Variants in HDAC9 observed in about 807,000 individuals in gnomAD.
The protein encoded by HDAC9 is histone deacetylase 9.
In HDAC9, 41 loss-of-function variants were observed where a neutral mutation model predicts 139.4. That is an observed-to-expected ratio of 0.29 (90% CI 0.23 to 0.38). HDAC9 has a LOEUF of 0.38. HDAC9 is among the 10% of genes least tolerant of loss of function. HDAC9 has a pLI of 1.00. For synonymous variants in HDAC9, 517 were observed against 476.2 expected (o/e 1.09, Z -1.12); for missense variants, 1,147 against 1,297.0 (o/e 0.88, Z 1.78).
At chr7:18,226,396 G>A (rs1793058284) in intron 2 of HDAC9, among the ~76,000 whole-genome samples, 1 of 152,004 alleles carries the variant, frequency 6.6e-6, no homozygotes, top group African/African-American at 2.4e-5. Flanking sequence ...CATGCTCCCT[G>A]TAGGTGAGCT....
At chr7:18,763,366 A>G (rs1432479592) in intron 15 of HDAC9, among the ~76,000 whole-genome samples, 1 of 152,222 alleles carries the variant, frequency 6.6e-6, no homozygotes, top group Non-Finnish European at 1.5e-5. Flanking sequence ...ATGCCCACAC[A>G]TGCGTGTAGC....
At chr7:18,180,851 C>T (rs1351346885) in intron 2 of HDAC9, among the ~76,000 whole-genome samples, 1 of 152,140 alleles carries the variant, frequency 6.6e-6, no homozygotes. Context: ...TCAGTAGGAC[C>T]TTGCTCCCCA....
At chr7:18,649,971 A>G (rs1788739732) in intron 11 of HDAC9, among the ~76,000 whole-genome samples, 1 of 152,090 alleles carries the variant, frequency 6.6e-6, no homozygotes, top group Admixed American at 6.6e-5. Flanking sequence ...GATAATGCCT[A>G]TTTTATTGCT....
chr7:18,755,153 A>G (rs1371749033), intron 14 of HDAC9, among the ~76,000 whole-genome samples: 4 of 152,198 alleles, frequency 2.6e-5, no homozygotes, highest in Non-Finnish European at 5.9e-5. Context: ...AAGAAGTACA[A>G]GTGATCTAGA....
At chr7:18,927,469 G>T (rs1482912332) in intron 22 of HDAC9, among the ~76,000 whole-genome samples, 1 of 152,256 alleles carries the variant, frequency 6.6e-6, no homozygotes, top group East Asian at 1.9e-4. Flanking sequence ...TGACCAGGGG[G>T]TTTAGAGAGG....
intron 16 of HDAC9, among the ~76,000 whole-genome samples, chr7:18,768,553 G>T (rs1308890209): frequency 6.6e-6 from 1 of 152,190 alleles, no homozygotes; most frequent in Non-Finnish European, 1.5e-5. Context: ...CTGGAAAGCA[G>T]AGGATAAGCT....
intron 1 of HDAC9, among the ~76,000 whole-genome samples, chr7:18,480,646 G>A (rs1433214948): frequency 6.6e-6 from 1 of 152,140 alleles, no homozygotes. Flanking sequence ...AGGAAATAGA[G>A]TTTTAAGATA....
intron 9 of HDAC9, among the ~76,000 whole-genome samples, chr7:18,645,537 G>T (rs1184734953): frequency 1.3e-5 from 2 of 152,116 alleles, no homozygotes; most frequent in Admixed American, 6.6e-5. Flanking sequence ...GAATACTAGA[G>T]ATCTCTTTGC....
rs559683073 is a variant in HDAC9, at chr7:18,590,458, T to A, written c.387T>A (p.Pro129=). Residue 129 remains proline, a synonymous_variant, in exon 4 of 26, where the codon CCT becomes CCA. Coordinates refer to ENST00000686413, the MANE Select transcript of HDAC9 (RefSeq NM_178425.4). ...ERHRREQQLP[P]LRGKDRGRER... is the part of the protein sequence containing the mutation. ...ATCGCAGAGAACAGCAGCTTCCTCC[T>A]CTCAGAGGCAAAGATAGAGGACGAG... 6.2e-7 allele frequency: 1 copy of A among 1,603,238 alleles called. No homozygotes were observed. The highest frequency in any genetic ancestry group is 1.3e-5 in the African/African-American group (1 of 74,780).
At chr7:18,566,464 C>G (rs997734447) in intron 2 of HDAC9, among the ~76,000 whole-genome samples, 1 of 152,106 alleles carries the variant, frequency 6.6e-6, no homozygotes, top group Admixed American at 6.5e-5. Context: ...ACAGCAGTTG[C>G]CTTTTGCATG....
intron 17 of HDAC9, among the ~76,000 whole-genome samples, chr7:18,811,320 A>G (rs546190360): frequency 2.0e-5 from 3 of 151,842 alleles, no homozygotes; most frequent in African/African-American, 7.2e-5. Context: ...TAGTTTTCAA[A>G]GTGGAAGCTG....
intron 2 of HDAC9, among the ~76,000 whole-genome samples, chr7:18,281,092 T>G (rs1797076087): frequency 6.6e-6 from 1 of 152,168 alleles, no homozygotes; most frequent in African/African-American, 2.4e-5. Context: ...GAAGACTTAG[T>G]GTAAGATGAC....
chr7:18,365,308 A>G (rs1482668946), intron 1 of HDAC9, among the ~76,000 whole-genome samples: 1 of 152,050 alleles, frequency 6.6e-6, no homozygotes, highest in Admixed American at 6.6e-5. Context: ...GCTGCATGGA[A>G]TATTGTGTTG....
chr7:18,330,453 C>T (rs1800832463), intron 1 of HDAC9, among the ~76,000 whole-genome samples: 3 of 151,466 alleles, frequency 2.0e-5, no homozygotes, highest in African/African-American at 4.8e-5. Context: ...TATTTTGTCA[C>T]AGTCCCCCAA....
rs577302021 is a variant in HDAC9 at position 18,194,965 on chromosome 7, G to A, written c.25+32616G>A. On this transcript the variant is annotated intron_variant, in intron 2 of 12. Coordinates refer to the HDAC9 transcript ENST00000417496. ...GTGTGTGTGTGTGTGTGTGTGTGGTGTTCTTGGCATTATAAGGAGGAAAGG... is the reference window on the plus strand; with the variant it reads ...GTGTGTGTGTGTGTGTGTGTGTGGTATTCTTGGCATTATAAGGAGGAAAGG... Among the ~76,000 whole-genome samples, 4 of 151,492 alleles carry A rather than the reference G, an allele frequency of 2.6e-5. No homozygotes were observed. In the East Asian group the frequency reaches 5.8e-4, roughly 22 times the overall value.
intron 1 of HDAC9, among the ~76,000 whole-genome samples, chr7:18,351,079 A>G (rs1782812426): frequency 6.6e-6 from 1 of 152,088 alleles, no homozygotes; most frequent in African/African-American, 2.4e-5. Flanking sequence ...TTTTTCCTTC[A>G]TGAATTTAGT....
intron 6 of HDAC9, among the ~76,000 whole-genome samples, chr7:18,607,852 C>T (rs1835956717): frequency 1.3e-5 from 2 of 151,914 alleles, no homozygotes; most frequent in Non-Finnish European, 2.9e-5. Flanking sequence ...AATAAATGAC[C>T]ATGCTTTTGC....
intron 1 of HDAC9, among the ~76,000 whole-genome samples, chr7:18,391,573 A>G (rs977034369): frequency 6.6e-6 from 1 of 152,212 alleles, no homozygotes; most frequent in African/African-American, 2.4e-5. Flanking sequence ...TTTTGTTCAC[A>G]TAACATATTA....
At chr7:18,501,136 A>G (rs2128155258) in intron 2 of HDAC9, among the ~76,000 whole-genome samples, 1 of 152,292 alleles carries the variant, frequency 6.6e-6, no homozygotes, top group East Asian at 1.9e-4. Flanking sequence ...AACTTAAAAC[A>G]AACAAAAAAC....
Sources: allele counts gnomAD v4.1 joint callset (sites outside exome capture counted in the v4.1 genomes callset), GRCh38; gene constraint gnomAD v4.1.1; transcripts MANE v1.5; gene names NCBI Gene and HGNC (gene_info 2026-07-23, HGNC 2026-07-21).